Variants in LSM14A observed in about 807,000 individuals in gnomAD.
LSM14A encodes the protein LSM14A mRNA processing body assembly factor.
In LSM14A, 14 loss-of-function variants were observed where a neutral mutation model predicts 52.4. The ratio of observed to expected loss-of-function variants is 0.27; its 90% CI spans 0.18 to 0.42. The LOEUF is 0.42. Among genes scored for constraint, LSM14A ranks in the 10% least tolerant of loss-of-function variants. The pLI is 1.00. For missense variants in LSM14A, 417 were observed against 581.8 expected (o/e 0.72, Z 2.91); for synonymous variants, 185 against 200.3 (o/e 0.92, Z 0.64).
chr19:34,181,450 T>G (rs551174396), intron 1 of LSM14A, among the ~76,000 whole-genome samples: 1 of 152,368 alleles, frequency 6.6e-6, no homozygotes, highest in Non-Finnish European at 1.5e-5. Flanking sequence ...TATGAAGTTT[T>G]CTTATCAAAA....
intron 1 of LSM14A, among the ~76,000 whole-genome samples, chr19:34,185,463 GAA>G (rs781271932): frequency 6.6e-6 from 1 of 152,200 alleles, no homozygotes; most frequent in Non-Finnish European, 1.5e-5. Context: ...AGGGGCCAGA[GAA>G]GAGAGTGCAG....
At chr19:34,213,579 A>AT (rs773650805) in intron 4 of LSM14A, among the ~76,000 whole-genome samples, 20 of 151,988 alleles carry the variant, frequency 1.3e-4, no homozygotes, top group South Asian at 4.2e-4. Context: ...TGAAATGAGC[A>AT]TTTTTTTTAA....
chr19:34,183,576 C>T (rs988469602), intron 1 of LSM14A, among the ~76,000 whole-genome samples: 2 of 151,770 alleles, frequency 1.3e-5, no homozygotes, highest in African/African-American at 4.8e-5. Flanking sequence ...ATAAATAAAC[C>T]CATAAAGGAC....
intron 1 of LSM14A, among the ~76,000 whole-genome samples, chr19:34,183,012 A>C (rs938967425): frequency 9.3e-5 from 14 of 151,148 alleles, no homozygotes; most frequent in African/African-American, 2.7e-4. Context: ...TTAATTCCTC[A>C]TGGATGCGTT....
At chr19:34,200,397 T>G (rs1310072258) in intron 3 of LSM14A, among the ~76,000 whole-genome samples, 3 of 152,340 alleles carry the variant, frequency 2.0e-5, no homozygotes, top group Admixed American at 6.5e-5. Flanking sequence ...CTTTTGAGTA[T>G]GGACTAATTG....
intron 6 of LSM14A, among the ~76,000 whole-genome samples, chr19:34,216,156 G>A (rs1471397261): frequency 3.3e-5 from 5 of 152,130 alleles, no homozygotes; most frequent in Non-Finnish European, 5.9e-5. Flanking sequence ...GCTCACGCCT[G>A]TAATTCCAGC....
intron 1 of LSM14A, among the ~76,000 whole-genome samples, chr19:34,183,894 G>C (rs1231191289): frequency 3.3e-5 from 5 of 152,114 alleles, no homozygotes; most frequent in African/African-American, 1.2e-4. Flanking sequence ...CCCACTGTAA[G>C]TGTGCGGTCC....
rs768687765 is a variant in LSM14A, at chr19:34,172,614, G to C, written c.-29G>C. 5.2e-6 allele frequency: 8 copies of C among 1,543,730 alleles called. No individual in the cohort carries two copies. In the East Asian group the frequency reaches 1.9e-4, roughly 36 times the overall value. On this transcript the variant is annotated 5_prime_UTR_variant, in exon 1 of 10. Transcript: ENST00000544216. ...AGTGGCGTGGGATCTGCCTCTCTGC[G>C]AGCAGCTGGGAGCGGCGGCGGCGGC...
At chr19:34,190,177 G>T (rs59557320) in intron 1 of LSM14A, among the ~76,000 whole-genome samples, 1,550 of 152,110 alleles carry the variant, frequency 0.01, 23 homozygotes, top group African/African-American at 0.029. Flanking sequence ...CATTTGTTCT[G>T]TAACAGTATC....
In LSM14A at chr19:34,184,727, G is replaced by T. The variant is rs575973034; in HGVS notation, c.122-9751G>T. ...TTTTCCAGGTTTTATCTAATTTGGGGTTTAGGTTACAGATTGTTATTATTA... is the reference window on the plus strand; with the variant it reads ...TTTTCCAGGTTTTATCTAATTTGGGTTTTAGGTTACAGATTGTTATTATTA... On this transcript the variant is annotated intron_variant, in intron 1 of 9. Coordinates refer to ENST00000544216, the MANE Select transcript of LSM14A (RefSeq NM_015578.4). Among the ~76,000 whole-genome samples, 26 of 152,248 alleles carry T rather than the reference G, an allele frequency of 1.7e-4. No homozygotes were observed. The South Asian group carries it at 5.2e-3, about 30-fold the overall frequency.
In LSM14A at chr19:34,172,775, C is replaced by A. The variant is rs201033618; in HGVS notation, c.121+12C>A. 16 of 1,565,438 alleles carry A rather than the reference C, an allele frequency of 1.0e-5. No homozygotes were observed. The highest frequency in any genetic ancestry group is 1.9e-5 in the Admixed American group (1 of 53,396). On this transcript the variant is annotated intron_variant, in intron 1 of 9. Transcript: ENST00000544216. ...AGCCCTTGCCAAAGGTACGCGGGAC[C>A]GGGCCTCAGGGTGGGGGCCGAGCCG...
intron 6 of LSM14A, among the ~76,000 whole-genome samples, chr19:34,217,184 G>A (rs1034831323): frequency 1.3e-5 from 2 of 150,704 alleles, no homozygotes; most frequent in Non-Finnish European, 2.9e-5. Context: ...ACTTGAACCC[G>A]GGAGGCGAGG....
Position 34,226,283 on chromosome 19 carries a change from C to G in LSM14A, c.1369-1082C>G, listed in dbSNP as rs567021729. 8 of 1,010,082 alleles carry G rather than the reference C, an allele frequency of 7.9e-6. No individual in the cohort carries two copies. In the South Asian group the frequency reaches 1.1e-4, roughly 14 times the overall value. 62.6% of individuals were successfully genotyped at this position (1,010,082 alleles called of 1,614,324 possible). A position where few individuals can be genotyped will look rare whatever the true frequency, so the allele number is the denominator to read the frequency against. On this transcript the variant is annotated intron_variant, in intron 9 of 9. Coordinates refer to ENST00000544216, the MANE Select transcript of LSM14A (RefSeq NM_015578.4). Reference sequence around the variant, plus strand: ...TGTTTCCTCAGATGGGGTTCAAAGACAACAAGGTGTCTGAATGACTCAGCA... The same window carrying G: ...TGTTTCCTCAGATGGGGTTCAAAGAGAACAAGGTGTCTGAATGACTCAGCA...
At chr19:34,217,617 GTGTT>G (rs1282954945) in intron 6 of LSM14A, among the ~76,000 whole-genome samples, 993 of 36,652 alleles carry the variant, frequency 0.027, 165 homozygotes, top group Middle Eastern at 0.1. Context: ...CCCCCCCCCC[GTGTT>G]TTTTTTTTTT....
At position 34,229,127 on chromosome 19, in the gene LSM14A, C is replaced by T. The variant is rs1288947363; in HGVS notation, c.*1739C>T. On this transcript the variant is annotated 3_prime_UTR_variant, in exon 10 of 10. Transcript: ENST00000544216. ...AAACTGTAAATACTAGTTCTACTTGCTCTGAAATTATGAGTTTATGCGTTT... is the reference window on the plus strand; with the variant it reads ...AAACTGTAAATACTAGTTCTACTTGTTCTGAAATTATGAGTTTATGCGTTT... 2 of 152,202 alleles carry T rather than the reference C, an allele frequency of 1.3e-5. No homozygotes were observed. The highest frequency in any genetic ancestry group is 4.8e-5 in the African/African-American group (2 of 41,442). 9.4% of individuals were successfully genotyped at this position (152,202 alleles called of 1,614,324 possible). A position where few individuals can be genotyped will look rare whatever the true frequency, so the allele number is the denominator to read the frequency against.
At chr19:34,181,747 A>G (rs1485625745) in intron 1 of LSM14A, among the ~76,000 whole-genome samples, 2 of 152,036 alleles carry the variant, frequency 1.3e-5, no homozygotes, top group East Asian at 3.9e-4. Context: ...TGATGATCTC[A>G]TCCATCTAGT....
chr19:34,216,136 C>A (rs896790832), intron 6 of LSM14A, among the ~76,000 whole-genome samples: 1 of 151,992 alleles, frequency 6.6e-6, no homozygotes, highest in Non-Finnish European at 1.5e-5. Context: ...TTTCTGGGCC[C>A]GGCACAGTGG....
chr19:34,209,223 C>G (rs2071948175), intron 4 of LSM14A, among the ~76,000 whole-genome samples, 172 bp downstream of exon 4: 1 of 152,172 alleles, frequency 6.6e-6, no homozygotes, highest in Non-Finnish European at 1.5e-5. Context: ...TTGAATGACT[C>G]TCACTATTTA....
At chr19:34,220,022 A>G in intron 8 of LSM14A, 145 bp downstream of exon 8, 1 of 652,342 alleles carries the variant, frequency 1.5e-6, no homozygotes, top group South Asian at 2.0e-5. Flanking sequence ...CAGGCTGGAG[A>G]GCAGCAGTGC....
Sources: gnomAD v4.1 joint callset for allele counts (sites outside exome capture counted in the v4.1 genomes callset) on GRCh38, gnomAD v4.1.1 for gene constraint, MANE v1.5 for transcripts, NCBI Gene and HGNC (gene_info 2026-07-23, HGNC 2026-07-21) for gene names.